The following CUX1 variants were observed in gnomAD, a reference collection of about 807,000 sequenced individuals.
CUX1 encodes protein CASP.
A neutral mutation model predicts 158.8 loss-of-function variants in CUX1; 31 were observed. The observed-to-expected ratio is 0.20, with a 90% CI of 0.15 to 0.26. CUX1 has a LOEUF of 0.26. CUX1 is among the 10% of genes least tolerant of loss of function. The pLI, the probability that CUX1 is intolerant of heterozygous loss-of-function variation, is 1.00. For missense variants in CUX1, 1,589 were observed against 2,014.6 expected, an observed-to-expected ratio of 0.79 and a Z score of 4.04; for synonymous variants, 879 against 862.1, an observed-to-expected ratio of 1.02 and a Z score of -0.34.
At chr7:101,847,402 G>C (rs1795812332) in intron 1 of CUX1, among the ~76,000 whole-genome samples, 1 of 152,126 alleles carries the variant, frequency 6.6e-6, no homozygotes, top group Non-Finnish European at 1.5e-5. Context: ...GCGTCCCACT[G>C]TCTAGGCAGT....
In CUX1 at chr7:102,278,112, G is replaced by A. The variant is rs369617020; in HGVS notation, c.1680+47G>A. Reference sequence around the variant, plus strand: ...CAGCTCCAGGTGGACCAGGCAGGGAGAGAGGCCGATCAGGGCTCTGGAGAT... The same window carrying A: ...CAGCTCCAGGTGGACCAGGCAGGGAAAGAGGCCGATCAGGGCTCTGGAGAT... On this transcript the variant is annotated intron_variant, in intron 18 of 22. Transcript: ENST00000292538. 1.1e-4 allele frequency: 151 copies of A among 1,411,408 alleles called. 1 individual carries two copies. In the African/African-American group the frequency reaches 2.0e-3, roughly 18 times the overall value. 87.4% of individuals were successfully genotyped at this position (1,411,408 alleles called of 1,614,324 possible).
chr7:102,082,444 T>C lies in CUX1; in HGVS notation c.268+12027T>C, dbSNP rs782242138. ...AGGAGGCTGACGCAGGAGAATTACT[T>C]GAACCCAGGAGGTACAGTGAGCCAA... On this transcript the variant is annotated intron_variant, in intron 4 of 23. Coordinates refer to ENST00000292535, the MANE Select transcript of CUX1 (RefSeq NM_181552.4). 1.2e-4 allele frequency among the ~76,000 whole-genome samples: 18 copies of C among 146,984 alleles called. 2 individuals carry two copies. Among genetic ancestry groups the C allele is most frequent in the Non-Finnish European group, 2.8e-4 (18 of 65,040 alleles).
chr7:102,051,638 G>A (rs1296110466), intron 3 of CUX1, among the ~76,000 whole-genome samples: 7 of 141,222 alleles, frequency 5.0e-5, no homozygotes, highest in Admixed American at 4.1e-4. Context: ...CTGGGTGACA[G>A]AGCGAGACTC....
chr7:102,217,953 G>C (rs1554525512), intron 20 of CUX1, among the ~76,000 whole-genome samples: 3 of 152,186 alleles, frequency 2.0e-5, no homozygotes, highest in Non-Finnish European at 4.4e-5. Context: ...TGGATGCGAT[G>C]GTGTCTAGAG....
intron 20 of CUX1, among the ~76,000 whole-genome samples, chr7:102,224,831 G>A (rs953450444): frequency 4.6e-5 from 7 of 152,156 alleles, no homozygotes; most frequent in African/African-American, 1.7e-4. Flanking sequence ...CACCACACTC[G>A]GTTTATTAGC....
chr7:101,836,407 T>G (rs1794634252), intron 1 of CUX1, among the ~76,000 whole-genome samples: 1 of 151,986 alleles, frequency 6.6e-6, no homozygotes, highest in Non-Finnish European at 1.5e-5. Flanking sequence ...AGACCCCATC[T>G]CTACAAAAAA....
intron 2 of CUX1, among the ~76,000 whole-genome samples, chr7:101,999,531 A>T (rs1315427139): frequency 6.6e-6 from 1 of 152,172 alleles, no homozygotes; most frequent in Non-Finnish European, 1.5e-5. Context: ...TGTCGGCTAC[A>T]TCTAGAAAGC....
intron 2 of CUX1, among the ~76,000 whole-genome samples, chr7:101,920,956 G>T (rs1193398459): frequency 2.6e-5 from 4 of 152,070 alleles, no homozygotes; most frequent in African/African-American, 9.7e-5. Flanking sequence ...CTCCAGAGTA[G>T]CTGGGACTAT....
intron 1 of CUX1, among the ~76,000 whole-genome samples, chr7:101,852,693 T>TTTA (rs1796397519): frequency 9.6e-6 from 1 of 104,536 alleles, no homozygotes; most frequent in Non-Finnish European, 2.1e-5. Context: ...TTTTTTTTTT[T>TTTA]GAGATGAGGT....
At chr7:101,994,644 TC>T (rs1815589243) in intron 2 of CUX1, among the ~76,000 whole-genome samples, 1 of 152,102 alleles carries the variant, frequency 6.6e-6, no homozygotes, top group South Asian at 2.1e-4. Context: ...CCTTCCCAGA[TC>T]CGTGCCTCTG....
chr7:101,874,629 A>G (rs1798926102), intron 1 of CUX1, among the ~76,000 whole-genome samples: 1 of 152,202 alleles, frequency 6.6e-6, no homozygotes. Context: ...TCACTGGCCC[A>G]GGTCCTCAAG....
At chr7:101,892,715 G>T (rs1364695511) in intron 1 of CUX1, among the ~76,000 whole-genome samples, 1 of 152,022 alleles carries the variant, frequency 6.6e-6, no homozygotes, top group Admixed American at 6.6e-5. Flanking sequence ...TCATTTTTGT[G>T]TATAATTTTG....
At chr7:102,273,552 T>C in intron 15 of CUX1, 3 of 1,552,006 alleles carry the variant, frequency 1.9e-6, no homozygotes, top group East Asian at 2.3e-5. Flanking sequence ...ACTTAGCCTC[T>C]GCAAACACTG....
chr7:102,054,904 G>C (rs1823962521), intron 3 of CUX1, among the ~76,000 whole-genome samples: 1 of 151,984 alleles, frequency 6.6e-6, no homozygotes, highest in South Asian at 2.1e-4. Context: ...CTGGGAATTG[G>C]AGGTTGCAGT....
intron 1 of CUX1, among the ~76,000 whole-genome samples, chr7:101,891,985 A>G (rs1386921972): frequency 6.6e-6 from 1 of 152,200 alleles, no homozygotes; most frequent in Non-Finnish European, 1.5e-5. Context: ...ATAGACTTGT[A>G]AACTGGAAAC....
chr7:102,280,898 G>T, intron 20 of CUX1: 1 of 1,592,632 alleles, frequency 6.3e-7, no homozygotes. Flanking sequence ...CCCTGGACAG[G>T]CCTGAGCCTC....
At chr7:102,050,281 T>C (rs1192991656) in intron 3 of CUX1, among the ~76,000 whole-genome samples, 4 of 152,182 alleles carry the variant, frequency 2.6e-5, no homozygotes, top group Non-Finnish European at 5.9e-5. Context: ...TATGCACATG[T>C]TTAAAGATGA....
chr7:101,838,560 G>T (rs899868542), intron 1 of CUX1, among the ~76,000 whole-genome samples: 6 of 151,210 alleles, frequency 4.0e-5, no homozygotes, highest in African/African-American at 7.3e-5. Flanking sequence ...CCAGCACCTT[G>T]GGAGGCCGAG....
chr7:101,831,278 C>T, intron 1 of CUX1, among the ~76,000 whole-genome samples: 1 of 151,822 alleles, frequency 6.6e-6, no homozygotes, highest in East Asian at 1.9e-4. Context: ...AATCCTTGCC[C>T]TTAAGGAACT....
Sources: allele counts gnomAD v4.1 joint callset (sites outside exome capture counted in the v4.1 genomes callset), GRCh38; gene constraint gnomAD v4.1.1; transcripts MANE v1.5; gene names NCBI Gene and HGNC (gene_info 2026-07-23, HGNC 2026-07-21).